FRAS1: variants seen among roughly 807,000 people sequenced by gnomAD.
FRAS1 encodes extracellular matrix organizing protein FRAS1.
FRAS1 carries 290 observed loss-of-function variants against 435.2 expected under a neutral mutation model. The ratio of observed to expected loss-of-function variants is 0.67; its 90% confidence interval spans 0.61 to 0.73. The LOEUF (loss-of-function observed/expected upper bound fraction) is 0.73. FRAS1 is among the 30% of genes least tolerant of loss of function. The pLI is 0.00. For missense variants in FRAS1, 4,860 were observed against 5,001.5 expected, an observed-to-expected ratio of 0.97 and a Z score of 0.85; for synonymous variants, 1,800 against 1,851.0, an observed-to-expected ratio of 0.97 and a Z score of 0.71.
intron 51 of FRAS1, among the ~76,000 whole-genome samples, chr4:78,471,388 G>A (rs1273154692): frequency 6.6e-6 from 1 of 151,972 alleles, no homozygotes; most frequent in African/African-American, 2.4e-5. Context: ...AAACAAACAT[G>A]AATTAAAGTT....
At chr4:78,238,930 T>C (rs971545010) in intron 3 of FRAS1, among the ~76,000 whole-genome samples, 14 of 152,330 alleles carry the variant, frequency 9.2e-5, no homozygotes, top group Non-Finnish European at 1.8e-4. Context: ...GGCTTTTACA[T>C]TTTGAAATGA....
chr4:78,218,808 C>G lies in FRAS1; in HGVS notation c.109-18702C>G, dbSNP rs4293813. Among the ~76,000 whole-genome samples the G allele has an allele frequency of 0.021, 3,122 of 152,266 alleles. 310 individuals carry two copies. In the East Asian group the frequency reaches 0.31, roughly 15 times the overall value. The stretch of plus-strand genomic sequence containing the variant: ...TTGGGAGATTAGTGAGAAGGTGACA[C>G]ATGTAGTTTGCTTGCATCCAAATAT... On this transcript the variant is annotated intron_variant, in intron 2 of 73. Transcript: ENST00000512123.
chr4:78,397,328 A>G (rs1732711301), intron 29 of FRAS1, among the ~76,000 whole-genome samples: 1 of 152,152 alleles, frequency 6.6e-6, no homozygotes, highest in Admixed American at 6.6e-5. Flanking sequence ...TTGATCCTGC[A>G]CCATCAAGCA....
At chr4:78,104,341 T>A (rs1742282324) in intron 2 of FRAS1, among the ~76,000 whole-genome samples, 1 of 152,202 alleles carries the variant, frequency 6.6e-6, no homozygotes, top group South Asian at 2.1e-4. Context: ...AATATAAATC[T>A]ATCAAAGGGC....
chr4:78,179,788 A>C (rs965743001), intron 2 of FRAS1, among the ~76,000 whole-genome samples: 11 of 152,182 alleles, frequency 7.2e-5, no homozygotes, highest in Non-Finnish European at 1.5e-4. Context: ...TGACTGTCCC[A>C]CTGACATAGG....
chr4:78,167,416 A>C (rs1721375814), intron 2 of FRAS1, among the ~76,000 whole-genome samples: 1 of 151,876 alleles, frequency 6.6e-6, no homozygotes. Flanking sequence ...CAGTGGGTCA[A>C]AAAAGATAGA....
chr4:78,066,595 A>G (rs1019157936), intron 2 of FRAS1, among the ~76,000 whole-genome samples: 3 of 152,200 alleles, frequency 2.0e-5, no homozygotes, highest in Non-Finnish European at 4.4e-5. Flanking sequence ...TTTCATTACT[A>G]ATGCACTATG....
intron 67 of FRAS1, among the ~76,000 whole-genome samples, chr4:78,519,966 A>G (rs1721337147): frequency 6.6e-6 from 1 of 152,182 alleles, no homozygotes; most frequent in African/African-American, 2.4e-5. Flanking sequence ...CCTCCAAAGA[A>G]GGGATTTTAA....
intron 41 of FRAS1, chr4:78,444,061 CCTAGT>C (rs1718690392): frequency 2.4e-6 from 1 of 413,108 alleles, no homozygotes; most frequent in Non-Finnish European, 4.7e-6. Flanking sequence ...CACTAAGTTG[CCTAGT>C]CTGGTCTTGA....
At chr4:78,395,921 T>C (rs749842643) in intron 29 of FRAS1, among the ~76,000 whole-genome samples, 1 of 152,132 alleles carries the variant, frequency 6.6e-6, no homozygotes, top group Non-Finnish European at 1.5e-5. Context: ...GTAGTTCCTG[T>C]CTTCCTTTCT....
At chr4:78,443,107 G>C (rs1447758217) in intron 41 of FRAS1, among the ~76,000 whole-genome samples, 3 of 152,178 alleles carry the variant, frequency 2.0e-5, no homozygotes, top group Admixed American at 2.0e-4. Flanking sequence ...TCAGCACTTT[G>C]GGAGGCCAAG....
intron 67 of FRAS1, among the ~76,000 whole-genome samples, chr4:78,520,272 T>A (rs1169082310): frequency 6.7e-6 from 1 of 149,404 alleles, no homozygotes; most frequent in Non-Finnish European, 1.5e-5. Context: ...TTTTTTTTCC[T>A]CATTTTTAGT....
At position 78,145,058 on chromosome 4, in the gene FRAS1, A is replaced by G. The variant is rs1720361321; in HGVS notation, c.108+79042A>G. ...ATTATTTTTAAATTTCCCTTTAGAA[A>G]GATTGTGCCAACTTATAATCTCATC... On this transcript the variant is annotated intron_variant, in intron 2 of 73. Coordinates refer to ENST00000512123, the MANE Select transcript of FRAS1 (RefSeq NM_025074.7). Among the ~76,000 whole-genome samples, 3 of 152,338 alleles carry G rather than the reference A, an allele frequency of 2.0e-5. No individual in the cohort carries two copies. In the South Asian group the frequency reaches 6.2e-4, roughly 32 times the overall value.
intron 1 of FRAS1, among the ~76,000 whole-genome samples, chr4:78,061,727 T>C (rs2036454): frequency 0.24 from 36,766 of 152,046 alleles, 4,787 homozygotes; most frequent in East Asian, 0.35. Flanking sequence ...CTAATTCTTT[T>C]ATTCTGCAAG....
At chr4:78,506,399 G>C (rs1348037209) in intron 61 of FRAS1, among the ~76,000 whole-genome samples, 2 of 152,232 alleles carry the variant, frequency 1.3e-5, no homozygotes, top group Non-Finnish European at 1.5e-5. Context: ...GCTGTGGTGG[G>C]CTCCCCCCAG....
chr4:78,330,626 A>T (rs934238292), intron 18 of FRAS1, among the ~76,000 whole-genome samples: 4 of 152,318 alleles, frequency 2.6e-5, no homozygotes, highest in East Asian at 3.9e-4. Flanking sequence ...TGCATCTCTT[A>T]TGGTCGAGAC....
chr4:78,161,303 C>T lies in FRAS1; in HGVS notation c.109-76207C>T, dbSNP rs1721126592. 1.3e-5 allele frequency among the ~76,000 whole-genome samples: 2 copies of T among 152,054 alleles called. 1 individual carries two copies. The highest frequency in any genetic ancestry group is 4.8e-5 in the African/African-American group (2 of 41,414). ...GTGTGAGCTAGTTTGCATATATAAACCCTACTTTATTGTTTTGTATGACAA... is the reference window on the plus strand; with the variant it reads ...GTGTGAGCTAGTTTGCATATATAAATCCTACTTTATTGTTTTGTATGACAA... On this transcript the variant is annotated intron_variant, in intron 2 of 73. Coordinates refer to ENST00000512123, the MANE Select transcript of FRAS1 (RefSeq NM_025074.7).
chr4:78,138,120 G>C (rs1720003400), intron 2 of FRAS1, among the ~76,000 whole-genome samples: 2 of 152,226 alleles, frequency 1.3e-5, no homozygotes, highest in African/African-American at 4.8e-5. Flanking sequence ...GGGTGGGTCT[G>C]CCTCCAATCC....
chr4:78,322,520 C>G (rs1014164660), intron 18 of FRAS1, among the ~76,000 whole-genome samples: 22 of 148,524 alleles, frequency 1.5e-4, no homozygotes, highest in Non-Finnish European at 2.5e-4. Context: ...GACTACAGCA[C>G]AGAGTGATTA....
Sources: allele counts gnomAD v4.1 joint callset (sites outside exome capture counted in the v4.1 genomes callset), GRCh38; gene constraint gnomAD v4.1.1; transcripts MANE v1.5; gene names NCBI Gene and HGNC (gene_info 2026-07-23, HGNC 2026-07-21).